The following PRKCA variants were observed in gnomAD, a reference collection of about 807,000 sequenced individuals.
PRKCA encodes the protein protein kinase C alpha type.
In PRKCA, 27 loss-of-function variants were observed where a neutral mutation model predicts 87.0. The observed-to-expected ratio is 0.31, with a 90% CI of 0.23 to 0.43. PRKCA has a LOEUF of 0.43. Ranked by LOEUF, PRKCA falls within the 20% of genes least tolerant of loss-of-function variation. PRKCA has a pLI of 1.00. For synonymous variants in PRKCA, 329 were observed against 311.1 expected (o/e 1.06, Z -0.61); for missense variants, 518 against 852.3 (o/e 0.61, Z 4.88).
rs1462041300 is a variant in PRKCA at position 66,345,451 on chromosome 17, T to C, written c.205+39324T>C. 9.9e-5 allele frequency among the ~76,000 whole-genome samples: 15 copies of C among 152,162 alleles called. No homozygotes were observed. In the East Asian group the frequency reaches 1.9e-3, roughly 19 times the overall value. ...TTATATATGCCATCACTTGCCTAATTAGTTTTATAAGGAAATCCGTGTCAT... is the reference window on the plus strand; with the variant it reads ...TTATATATGCCATCACTTGCCTAATCAGTTTTATAAGGAAATCCGTGTCAT... On this transcript the variant is annotated intron_variant, in intron 2 of 16. Transcript: ENST00000413366.
intron 3 of PRKCA, among the ~76,000 whole-genome samples, chr17:66,502,595 A>G (rs1007600198): frequency 6.6e-6 from 1 of 151,840 alleles, no homozygotes; most frequent in Non-Finnish European, 1.5e-5. Flanking sequence ...CAGCACTTTG[A>G]CAGAATAATA....
chr17:66,588,120 T>C (rs77735662), intron 3 of PRKCA, among the ~76,000 whole-genome samples: 3,059 of 152,038 alleles, frequency 0.02, 113 homozygotes, highest in African/African-American at 0.069. Flanking sequence ...CCTCAAATTC[T>C]TACCAATAAA....
chr17:66,566,114 C>T (rs1416954093), intron 3 of PRKCA, among the ~76,000 whole-genome samples: 3 of 152,176 alleles, frequency 2.0e-5, no homozygotes, highest in African/African-American at 4.8e-5. Flanking sequence ...CCTTGGATAC[C>T]TTGTCTTCCT....
intron 2 of PRKCA, among the ~76,000 whole-genome samples, chr17:66,442,990 T>C (rs964503096): frequency 2.0e-5 from 3 of 152,206 alleles, no homozygotes; most frequent in Non-Finnish European, 2.9e-5. Flanking sequence ...GCAGGAGCCC[T>C]GGCCATCGTC....
chr17:66,801,252 C>T (rs913724414), intron 16 of PRKCA, among the ~76,000 whole-genome samples: 1 of 152,226 alleles, frequency 6.6e-6, no homozygotes, highest in African/African-American at 2.4e-5. Context: ...GCAGCAGGTA[C>T]TGTTGACATC....
At chr17:66,400,620 T>C (rs773629057) in intron 2 of PRKCA, among the ~76,000 whole-genome samples, 4 of 152,232 alleles carry the variant, frequency 2.6e-5, no homozygotes, top group Admixed American at 6.5e-5. Flanking sequence ...TGCTTTCAAT[T>C]CTTTAGGATA....
chr17:66,420,873 C>T (rs536992858), intron 2 of PRKCA, among the ~76,000 whole-genome samples: 2 of 152,292 alleles, frequency 1.3e-5, no homozygotes, highest in Non-Finnish European at 2.9e-5. Context: ...TCGTTGTCCC[C>T]TGCATTCCCC....
At chr17:66,523,894 C>T (rs1210376578) in intron 3 of PRKCA, among the ~76,000 whole-genome samples, 1 of 152,190 alleles carries the variant, frequency 6.6e-6, no homozygotes, top group Non-Finnish European at 1.5e-5. Context: ...ATACAAGACT[C>T]TGACTAATTA....
chr17:66,576,597 C>T (rs1449766283), intron 3 of PRKCA, among the ~76,000 whole-genome samples: 3 of 152,140 alleles, frequency 2.0e-5, no homozygotes, highest in African/African-American at 7.2e-5. Flanking sequence ...TTCTGCTGTT[C>T]GCAGGACAAG....
At chr17:66,602,718 C>T (rs190854980) in intron 3 of PRKCA, among the ~76,000 whole-genome samples, 139 of 152,210 alleles carry the variant, frequency 9.1e-4, no homozygotes, top group African/African-American at 2.0e-3. Context: ...AGGCGTGGAG[C>T]GCTCAGGTTT....
intron 3 of PRKCA, among the ~76,000 whole-genome samples, chr17:66,515,166 G>A (rs1321540180): frequency 1.3e-5 from 2 of 150,514 alleles, no homozygotes; most frequent in Non-Finnish European, 2.9e-5. Flanking sequence ...TGAAGCAGGA[G>A]AATCACTTGA....
At chr17:66,654,557 G>C (rs1971682218) in intron 5 of PRKCA, among the ~76,000 whole-genome samples, 1 of 152,196 alleles carries the variant, frequency 6.6e-6, no homozygotes, top group Non-Finnish European at 1.5e-5. Context: ...CGTTGGCTCT[G>C]GCTGAGGGAA....
At chr17:66,646,875 TG>T (rs1226475701) in intron 5 of PRKCA, among the ~76,000 whole-genome samples, 5 of 152,236 alleles carry the variant, frequency 3.3e-5, no homozygotes, top group Non-Finnish European at 5.9e-5. Context: ...AAAATGGAAC[TG>T]GGAATGAAAT....
intron 3 of PRKCA, among the ~76,000 whole-genome samples, chr17:66,604,730 A>G (rs1970159590): frequency 6.6e-6 from 1 of 152,196 alleles, no homozygotes; most frequent in Non-Finnish European, 1.5e-5. Flanking sequence ...AGAAAGTCCA[A>G]ATTTATCTTC....
chr17:66,710,758 G>C (rs937295223), intron 8 of PRKCA, among the ~76,000 whole-genome samples: 3 of 151,930 alleles, frequency 2.0e-5, no homozygotes, highest in Non-Finnish European at 4.4e-5. Flanking sequence ...TGCTGGGCAC[G>C]GTGGCTCACA....
chr17:66,789,324 C>T (rs1329284422), intron 16 of PRKCA, among the ~76,000 whole-genome samples: 1 of 152,254 alleles, frequency 6.6e-6, no homozygotes, highest in Non-Finnish European at 1.5e-5. Context: ...TATTCACAGC[C>T]TTCAGTCCTC....
At chr17:66,630,320 A>G (rs1342493275) in intron 3 of PRKCA, among the ~76,000 whole-genome samples, 1 of 152,232 alleles carries the variant, frequency 6.6e-6, no homozygotes, top group Non-Finnish European at 1.5e-5. Flanking sequence ...TAGGCTAGAG[A>G]AAGACATACA....
intron 3 of PRKCA, among the ~76,000 whole-genome samples, chr17:66,576,591 G>C (rs948169917): frequency 6.6e-6 from 1 of 152,164 alleles, no homozygotes; most frequent in African/African-American, 2.4e-5. Context: ...TTTCATTTCT[G>C]CTGTTCGCAG....
intron 5 of PRKCA, among the ~76,000 whole-genome samples, chr17:66,661,669 C>T (rs531312404): frequency 1.1e-4 from 16 of 152,224 alleles, no homozygotes; most frequent in Non-Finnish European, 1.3e-4. Context: ...GTGCATTAAT[C>T]ACCCTTTTTA....
Sources: gnomAD v4.1 joint callset for allele counts (sites outside exome capture counted in the v4.1 genomes callset) on GRCh38, gnomAD v4.1.1 for gene constraint, MANE v1.5 for transcripts, NCBI Gene and HGNC (gene_info 2026-07-23, HGNC 2026-07-21) for gene names.